The following TRPM3 variants were observed in gnomAD, a reference collection of about 807,000 sequenced individuals.
The protein encoded by TRPM3 is long transient receptor potential channel 3.
A neutral mutation model predicts 181.2 loss-of-function variants in TRPM3; 77 were observed. The observed-to-expected ratio is 0.42, with a 90% CI of 0.35 to 0.51. TRPM3 has a LOEUF of 0.51. Ranked by LOEUF, TRPM3 falls within the 20% of genes least tolerant of loss-of-function variation. The pLI is 0.01. For missense variants in TRPM3, 1,759 were observed against 2,196.7 expected (o/e 0.80, Z 3.98); for synonymous variants, 745 against 796.4 (o/e 0.94, Z 1.09).
chr9:71,238,746 AG>A (rs35908377), intron 1 of TRPM3, among the ~76,000 whole-genome samples: 1 of 152,198 alleles, frequency 6.6e-6, no homozygotes, highest in Non-Finnish European at 1.5e-5. Flanking sequence ...AATACATTTA[AG>A]GGTAAGGGGG....
At chr9:70,923,082 T>C (rs1220495459) in intron 1 of TRPM3, among the ~76,000 whole-genome samples, 3 of 152,114 alleles carry the variant, frequency 2.0e-5, no homozygotes, top group Admixed American at 6.6e-5. Flanking sequence ...TTATAAAAGA[T>C]AGCGCCTATC....
At chr9:70,666,714 T>C (rs2061898613) in intron 9 of TRPM3, among the ~76,000 whole-genome samples, 1 of 152,158 alleles carries the variant, frequency 6.6e-6, no homozygotes, top group Non-Finnish European at 1.5e-5. Flanking sequence ...TTCCTCTATA[T>C]TATGATAGTA....
At chr9:70,977,782 C>T (rs1432348454) in intron 1 of TRPM3, among the ~76,000 whole-genome samples, 1 of 152,162 alleles carries the variant, frequency 6.6e-6, no homozygotes, top group Non-Finnish European at 1.5e-5. Flanking sequence ...TTAGAAAGAA[C>T]ACAACTCAGG....
At chr9:71,444,229 A>C (rs1340391358) in intron 1 of TRPM3, among the ~76,000 whole-genome samples, 2 of 151,912 alleles carry the variant, frequency 1.3e-5, no homozygotes, top group Non-Finnish European at 2.9e-5. Flanking sequence ...GGACAGAGTC[A>C]TGGACTATAT....
intron 1 of TRPM3, among the ~76,000 whole-genome samples, chr9:71,404,861 G>C (rs2093407531): frequency 6.6e-6 from 1 of 152,076 alleles, no homozygotes; most frequent in Non-Finnish European, 1.5e-5. Flanking sequence ...CATTGTCCCT[G>C]CCTGTTATAC....
At chr9:71,060,274 G>A (rs1039967356) in intron 1 of TRPM3, among the ~76,000 whole-genome samples, 1 of 152,050 alleles carries the variant, frequency 6.6e-6, no homozygotes, top group African/African-American at 2.4e-5. Flanking sequence ...TGGGTGAGAG[G>A]AAAGACAGTG....
At chr9:71,000,034 C>G (rs1047268268) in intron 1 of TRPM3, among the ~76,000 whole-genome samples, 3 of 152,158 alleles carry the variant, frequency 2.0e-5, no homozygotes, top group Non-Finnish European at 4.4e-5. Flanking sequence ...TCACTTATCC[C>G]AAGAAAGCTG....
At chr9:71,034,090 T>C (rs1055667641) in intron 1 of TRPM3, among the ~76,000 whole-genome samples, 5 of 152,210 alleles carry the variant, frequency 3.3e-5, no homozygotes, top group Non-Finnish European at 5.9e-5. Flanking sequence ...CAGCTGGGAA[T>C]CAGTTTCCTT....
chr9:71,139,829 G>C (rs1012068430), intron 1 of TRPM3, among the ~76,000 whole-genome samples: 1 of 152,112 alleles, frequency 6.6e-6, no homozygotes, highest in South Asian at 2.1e-4. Flanking sequence ...TGCTAGAGAA[G>C]CTAAAAAATA....
At chr9:70,770,884 C>T (rs1050076228) in intron 7 of TRPM3, among the ~76,000 whole-genome samples, 16 of 152,210 alleles carry the variant, frequency 1.1e-4, no homozygotes, top group African/African-American at 3.1e-4. Flanking sequence ...GCAAGGTAAC[C>T]GGCATGCATA....
At chr9:71,267,902 G>A (rs527453162) in intron 1 of TRPM3, among the ~76,000 whole-genome samples, 2 of 151,476 alleles carry the variant, frequency 1.3e-5, no homozygotes, top group Admixed American at 6.6e-5. Flanking sequence ...TTCCTAGGGT[G>A]TACAAAAAAG....
intron 1 of TRPM3, among the ~76,000 whole-genome samples, chr9:71,417,251 T>C (rs911472042): frequency 1.3e-5 from 2 of 151,984 alleles, no homozygotes; most frequent in Admixed American, 6.6e-5. Context: ...CTGTTTATAT[T>C]CTCATTAATA....
chr9:70,771,459 C>A (rs543778076), intron 7 of TRPM3, among the ~76,000 whole-genome samples: 17 of 152,156 alleles, frequency 1.1e-4, no homozygotes, highest in South Asian at 2.1e-4. Flanking sequence ...TTCTTTACTT[C>A]CCTTTTCCTT....
chr9:71,369,590 G>A (rs1176542800), intron 1 of TRPM3, among the ~76,000 whole-genome samples: 2 of 152,122 alleles, frequency 1.3e-5, no homozygotes, highest in Non-Finnish European at 2.9e-5. Context: ...TGCAACCTCC[G>A]CCTCCCAGGT....
chr9:71,098,130 A>T (rs2134007180), intron 1 of TRPM3, among the ~76,000 whole-genome samples: 1 of 152,284 alleles, frequency 6.6e-6, no homozygotes, highest in Middle Eastern at 3.4e-3. Flanking sequence ...CAATCTATTT[A>T]CTTATCTCTT....
chr9:71,083,524 G>A (rs2064747041), intron 1 of TRPM3, among the ~76,000 whole-genome samples: 1 of 151,992 alleles, frequency 6.6e-6, no homozygotes, highest in African/African-American at 2.4e-5. Context: ...ATTTCACAAT[G>A]CTCTGACTAT....
At chr9:70,560,910 G>T (rs890625476) in intron 22 of TRPM3, among the ~76,000 whole-genome samples, 1 of 152,134 alleles carries the variant, frequency 6.6e-6, no homozygotes, top group Non-Finnish European at 1.5e-5. Context: ...CCTATAATAT[G>T]CAGGGAAAAG....
At chr9:70,871,136 T>G (rs1734152439) in intron 1 of TRPM3, among the ~76,000 whole-genome samples, 2 of 151,388 alleles carry the variant, frequency 1.3e-5, no homozygotes, top group African/African-American at 4.9e-5. Context: ...AGGAGGAAAG[T>G]GGGGGAAATG....
Position 71,384,700 on chromosome 9 carries a change from G to A in TRPM3, c.183+61953C>T, listed in dbSNP as rs546999620. 3.0e-3 allele frequency among the ~76,000 whole-genome samples: 457 copies of A among 152,310 alleles called. 4 individuals carry two copies. The highest frequency in any genetic ancestry group is 2.1e-3 in the Non-Finnish European group (141 of 68,018). On this transcript the variant is annotated intron_variant, in intron 1 of 24. Coordinates refer to the TRPM3 transcript ENST00000357533. ...TTTTTAGGCAATGCCAGAAAGAAAA[G>A]CATAACTCTTGTGCCTTGTACCTAA...
Sources: gnomAD v4.1 joint callset for allele counts (sites outside exome capture counted in the v4.1 genomes callset) on GRCh38, gnomAD v4.1.1 for gene constraint, MANE v1.5 for transcripts, NCBI Gene and HGNC (gene_info 2026-07-23, HGNC 2026-07-21) for gene names.